CTNNA2: variants seen among roughly 807,000 people sequenced by gnomAD.
CTNNA2 encodes catenin alpha 2, also known as catenin alpha-2.
In CTNNA2, 42 loss-of-function variants were observed where a neutral mutation model predicts 101.0. The observed-to-expected ratio is 0.42, with a 90% CI of 0.32 to 0.54. The LOEUF (loss-of-function observed/expected upper bound fraction) is 0.54. Ranked by LOEUF, CTNNA2 falls within the 20% of genes least tolerant of loss-of-function variation. The pLI is 0.14. For missense variants in CTNNA2, 871 were observed against 1,223.1 expected, an observed-to-expected ratio of 0.71 and a Z score of 4.29; for synonymous variants, 450 against 456.4, an observed-to-expected ratio of 0.99 and a Z score of 0.18.
intron 7 of CTNNA2, among the ~76,000 whole-genome samples, chr2:80,025,504 A>T (rs1361639121): frequency 6.6e-6 from 1 of 152,216 alleles, no homozygotes; most frequent in Non-Finnish European, 1.5e-5. Flanking sequence ...AAAAGGGAGC[A>T]GCTCATGCAA....
intron 7 of CTNNA2, among the ~76,000 whole-genome samples, chr2:79,953,033 T>C (rs1688992106): frequency 6.6e-6 from 1 of 152,252 alleles, no homozygotes; most frequent in African/African-American, 2.4e-5. Flanking sequence ...ACTAACATCC[T>C]ATGAATGAAG....
At chr2:79,195,556 T>C (rs56112263) in intron 1 of CTNNA2, among the ~76,000 whole-genome samples, 2,100 of 152,276 alleles carry the variant, frequency 0.014, 15 homozygotes, top group Non-Finnish European at 0.023. Flanking sequence ...AAAAGAAATG[T>C]ATTTGCTGCC....
intron 2 of CTNNA2, among the ~76,000 whole-genome samples, chr2:79,653,307 A>G (rs1299554222): frequency 1.3e-5 from 2 of 151,868 alleles, no homozygotes; most frequent in African/African-American, 4.8e-5. Context: ...TTGAGTGTCC[A>G]TTCAGCCTTC....
chr2:80,589,905 T>TGCGC (rs1491295632), intron 15 of CTNNA2, among the ~76,000 whole-genome samples: 43 of 114,566 alleles, frequency 3.8e-4, no homozygotes, highest in South Asian at 1.4e-3. Flanking sequence ...TGTGTGTGTG[T>TGCGC]GCGCGCGCGC....
chr2:80,431,575 C>A (rs1292203424), intron 9 of CTNNA2, among the ~76,000 whole-genome samples: 2 of 152,146 alleles, frequency 1.3e-5, no homozygotes. Flanking sequence ...ACAGTGGTTT[C>A]CCAGGTGGCC....
At chr2:80,418,295 AT>A (rs1680213526) in intron 8 of CTNNA2, among the ~76,000 whole-genome samples, 2 of 152,192 alleles carry the variant, frequency 1.3e-5, no homozygotes. Flanking sequence ...ATAGTGTGTA[AT>A]AGGAATGAAA....
At chr2:79,932,882 A>T (rs1298040294) in intron 7 of CTNNA2, among the ~76,000 whole-genome samples, 1 of 152,224 alleles carries the variant, frequency 6.6e-6, no homozygotes, top group Non-Finnish European at 1.5e-5. Flanking sequence ...TGATACCCAG[A>T]AAAAGAACTT....
intron 7 of CTNNA2, among the ~76,000 whole-genome samples, chr2:80,159,437 G>A (rs913131045): frequency 6.6e-6 from 1 of 152,152 alleles, no homozygotes; most frequent in Non-Finnish European, 1.5e-5. Flanking sequence ...ACAAAAATTA[G>A]CCATTCTGAT....
chr2:80,303,184 G>C lies in CTNNA2; in HGVS notation c.1057-90027G>C, dbSNP rs1030988914. 3.1e-6 allele frequency: 5 copies of C among 1,614,074 alleles called. No homozygotes were observed. Among genetic ancestry groups the C allele is most frequent in the African/African-American group, 1.3e-5 (1 of 75,036 alleles). On this transcript the variant is annotated intron_variant, in intron 7 of 18. Transcript: ENST00000402739. This position sits in a 1 kb window ranked among gnomAD's most constrained non-coding sequence, Gnocchi z 7.7. ...AGTCGTTGTGCTCGAGGTGCAGCTC[G>C]GTGAGCTTAAACAAGCCGGCGAAAG... is the stretch of plus-strand genomic sequence containing the variant.
At chr2:80,173,930 C>T (rs532165319) in intron 7 of CTNNA2, among the ~76,000 whole-genome samples, 19 of 152,180 alleles carry the variant, frequency 1.2e-4, no homozygotes, top group Non-Finnish European at 1.9e-4. Context: ...CTCTTCTTCT[C>T]TCCCGCTCCA....
At chr2:80,249,333 T>C (rs536881053) in intron 7 of CTNNA2, among the ~76,000 whole-genome samples, 3 of 152,312 alleles carry the variant, frequency 2.0e-5, no homozygotes, top group Admixed American at 6.5e-5. Flanking sequence ...GAGCTTTTTA[T>C]TGATAGTTGG....
At chr2:79,324,251 G>T (rs993785171) in intron 3 of CTNNA2, among the ~76,000 whole-genome samples, 4 of 152,338 alleles carry the variant, frequency 2.6e-5, no homozygotes, top group African/African-American at 9.6e-5. Flanking sequence ...CCACCTGGAG[G>T]CAGGGTAGCA....
chr2:80,128,552 A>C (rs1702254737), intron 7 of CTNNA2, among the ~76,000 whole-genome samples: 1 of 152,214 alleles, frequency 6.6e-6, no homozygotes, highest in African/African-American at 2.4e-5. Context: ...GGGCCAATGT[A>C]AAGCACAGTT....
chr2:80,042,156 C>T (rs1002332468), intron 7 of CTNNA2, among the ~76,000 whole-genome samples: 3 of 151,990 alleles, frequency 2.0e-5, no homozygotes, highest in Admixed American at 1.3e-4. Flanking sequence ...GTGGAGACAG[C>T]GTTTCACCAT....
intron 7 of CTNNA2, among the ~76,000 whole-genome samples, chr2:80,252,945 G>A (rs1340632471): frequency 6.6e-6 from 1 of 152,034 alleles, no homozygotes; most frequent in Non-Finnish European, 1.5e-5. Flanking sequence ...TGGTGATATT[G>A]GTAACTGCAA....
At chr2:79,531,194 TCATATATATATATA>T (rs1558703812) in intron 1 of CTNNA2, among the ~76,000 whole-genome samples, 4 of 76,880 alleles carry the variant, frequency 5.2e-5, no homozygotes, top group African/African-American at 2.0e-4. Flanking sequence ...ATAGATACGC[TCATATATATATATA>T]TATATATATA....
At chr2:80,103,888 C>T (rs1003730688) in intron 7 of CTNNA2, among the ~76,000 whole-genome samples, 8 of 152,194 alleles carry the variant, frequency 5.3e-5, no homozygotes, top group African/African-American at 1.9e-4. Flanking sequence ...GCGCCTGCCA[C>T]CATGGCGGCT....
intron 7 of CTNNA2, among the ~76,000 whole-genome samples, chr2:80,359,592 T>A (rs1370399138): frequency 3.3e-5 from 5 of 152,140 alleles, no homozygotes; most frequent in Non-Finnish European, 7.4e-5. Context: ...TCTGGCCATG[T>A]AAGATGTGCC....
intron 2 of CTNNA2, among the ~76,000 whole-genome samples, chr2:79,740,999 C>G (rs1160601138): frequency 7.9e-5 from 12 of 152,064 alleles, no homozygotes; most frequent in Non-Finnish European, 1.8e-4. Context: ...AATGACACTT[C>G]AGGTGGGAGA....
Sources: gnomAD v4.1 joint callset for allele counts (sites outside exome capture counted in the v4.1 genomes callset) on GRCh38, gnomAD v4.1.1 for gene constraint, Gnocchi (gnomAD v3.1) non-coding constraint, MANE v1.5 for transcripts, NCBI Gene and HGNC (gene_info 2026-07-23, HGNC 2026-07-21) for gene names.